SH2D4B: variants seen among roughly 807,000 people sequenced by gnomAD.
The protein encoded by SH2D4B is SH2 domain containing 4B, also known as SH2 domain-containing protein 4B.
A neutral mutation model predicts 61.5 loss-of-function variants in SH2D4B; 45 were observed. That is an observed-to-expected ratio of 0.73 (90% CI 0.58 to 0.94). The LOEUF (loss-of-function observed/expected upper bound fraction) is 0.94. Among genes scored for constraint, SH2D4B ranks in the 40% least tolerant of loss-of-function variants. The probability of loss-of-function intolerance (pLI) is 0.00; values close to 1 mark genes in which losing one functional copy is unlikely to be tolerated. For synonymous variants in SH2D4B, 224 were observed against 220.4 expected, an observed-to-expected ratio of 1.02 and a Z score of -0.14; for missense variants, 572 against 574.2, an observed-to-expected ratio of 1.00 and a Z score of 0.04.
At chr10:80,541,568 G>C (rs1841579572) in intron 1 of SH2D4B, among the ~76,000 whole-genome samples, 1 of 152,160 alleles carries the variant, frequency 6.6e-6, no homozygotes, top group Non-Finnish European at 1.5e-5. Context: ...ATCGTCCCCA[G>C]TGCTCTAAAG....
chr10:80,570,055 CATAGAGTGA>C, intron 1 of SH2D4B, 90 bp from the exon 2 acceptor site: 1 of 1,411,360 alleles, frequency 7.1e-7, no homozygotes, highest in Admixed American at 1.8e-5. Flanking sequence ...GACAATGTTC[CATAGAGTGA>C]TGTGATGGTT....
intron 1 of SH2D4B, among the ~76,000 whole-genome samples, chr10:80,562,894 C>CTTTTTTTTTTTT (rs34539206): frequency 4.0e-5 from 3 of 74,696 alleles, no homozygotes; most frequent in Non-Finnish European, 7.3e-5. Flanking sequence ...AACATTTTTT[C>CTTTTTTTTTTTT]TTTTTTTTTT....
intron 5 of SH2D4B, among the ~76,000 whole-genome samples, chr10:80,605,165 C>T (rs1564781492): frequency 1.3e-5 from 2 of 149,364 alleles, no homozygotes; most frequent in East Asian, 1.9e-4. Flanking sequence ...TATTCCTCCT[C>T]TTTTTTTTTT....
intron 1 of SH2D4B, among the ~76,000 whole-genome samples, chr10:80,566,160 GT>G (rs1841966368): frequency 2.0e-4 from 30 of 148,306 alleles, no homozygotes; most frequent in Admixed American, 1.8e-3. Flanking sequence ...GACTTATCCA[GT>G]TTGTTTGGAG....
chr10:80,607,763 A>T (rs895522802), intron 5 of SH2D4B, among the ~76,000 whole-genome samples: 1 of 152,232 alleles, frequency 6.6e-6, no homozygotes, highest in East Asian at 1.9e-4. Context: ...ATAACCATGA[A>T]TTCTAAATGC....
intron 1 of SH2D4B, among the ~76,000 whole-genome samples, chr10:80,550,143 G>A (rs1176063271): frequency 6.6e-6 from 1 of 152,100 alleles, no homozygotes; most frequent in Non-Finnish European, 1.5e-5. Flanking sequence ...AAGAAGTAAA[G>A]GCAGCTGCAT....
chr10:80,541,041 G>C, intron 1 of SH2D4B: 6 of 816,042 alleles, frequency 7.4e-6, no homozygotes, highest in Non-Finnish European at 1.2e-5. Context: ...AGTGAGAAGC[G>C]AAAGTACACA....
At chr10:80,579,258 GA>G (rs527507976) in intron 3 of SH2D4B, among the ~76,000 whole-genome samples, 3,893 of 150,924 alleles carry the variant, frequency 0.026, 60 homozygotes, top group Middle Eastern at 0.044. Flanking sequence ...TCTGAAAATG[GA>G]AAAAAAAATC....
intron 6 of SH2D4B, among the ~76,000 whole-genome samples, chr10:80,618,659 G>A (rs1014230109): frequency 1.3e-5 from 2 of 152,192 alleles, no homozygotes; most frequent in Non-Finnish European, 2.9e-5. Context: ...ATAGCTAAGT[G>A]GTAATGGAGG....
intron 1 of SH2D4B, among the ~76,000 whole-genome samples, chr10:80,556,897 C>T (rs1414267009): frequency 2.0e-5 from 3 of 152,048 alleles, no homozygotes; most frequent in Non-Finnish European, 4.4e-5. Flanking sequence ...ATTTAATTTT[C>T]TTGCCTTATT....
At chr10:80,615,141 G>A (rs1842646418) in intron 6 of SH2D4B, among the ~76,000 whole-genome samples, 1 of 152,212 alleles carries the variant, frequency 6.6e-6, no homozygotes, top group East Asian at 1.9e-4. Flanking sequence ...GCTGTATGGA[G>A]CAGGAAGGGG....
chr10:80,625,175 GT>G (rs201967650), intron 6 of SH2D4B, among the ~76,000 whole-genome samples: 127 of 150,048 alleles, frequency 8.5e-4, no homozygotes, highest in African/African-American at 2.9e-3. Context: ...CATTGAGAAC[GT>G]TTTTTTTTCT....
chr10:80,644,252 G>A lies in SH2D4B; in HGVS notation c.*167G>A. On this transcript the variant is annotated 3_prime_UTR_variant, in exon 8 of 8. Transcript: ENST00000646907. ...TGACATCTATGGCATAGGGCTACTG[G>A]TCTCATCCCAGCGATCGGGACAGAA... The A allele has an allele frequency of 1.7e-6, 1 of 593,544 alleles. No individual in the cohort carries two copies. Among genetic ancestry groups the A allele is most frequent in the Non-Finnish European group, 3.0e-6 (1 of 337,574 alleles). The allele number at this position is 593,544 out of a possible 1,614,324, so 36.8% of individuals were successfully genotyped here.
intron 3 of SH2D4B, among the ~76,000 whole-genome samples, chr10:80,581,405 G>A (rs1214646735): frequency 1.3e-5 from 2 of 152,164 alleles, no homozygotes; most frequent in Non-Finnish European, 2.9e-5. Context: ...GCTAAAATCC[G>A]TATTTTGAAG....
chr10:80,612,069 T>TA (rs77520862), intron 6 of SH2D4B, among the ~76,000 whole-genome samples: 10,358 of 152,186 alleles, frequency 0.068, 451 homozygotes, highest in East Asian at 0.14. Flanking sequence ...GTTTTAGTGT[T>TA]AAAATGTCCT....
intron 3 of SH2D4B, among the ~76,000 whole-genome samples, chr10:80,576,030 C>T (rs1288541593): frequency 6.6e-6 from 1 of 152,200 alleles, no homozygotes; most frequent in Non-Finnish European, 1.5e-5. Context: ...TTCTGGCCTT[C>T]CTCTTTCCCA....
intron 1 of SH2D4B, among the ~76,000 whole-genome samples, chr10:80,551,426 A>G (rs1841760457): frequency 1.3e-5 from 2 of 152,234 alleles, no homozygotes; most frequent in South Asian, 4.1e-4. Context: ...GGATTTAAAT[A>G]GAAAAATATT....
In SH2D4B at chr10:80,609,518, A is replaced by G; in HGVS notation, c.955A>G (p.Arg319Gly). Residue 319 changes from arginine (R) to glycine (G), a missense_variant, in exon 6 of 8, where the codon AGG (arginine) becomes GGG (glycine). Arg to Gly is a moderately radical substitution (Grantham distance 125). Transcript: ENST00000646907. ...GCTGCCTCGCCGAGCTGGCTTCGAG[A>G]GGAACACCAAGTTCATCGCCCCCTG... ...EQLPRRAGFERNTKFIAPWFH... is the reference protein window; with the variant it reads ...EQLPRRAGFEGNTKFIAPWFH... 2.5e-6 allele frequency: 4 copies of G among 1,614,180 alleles called. No individual in the cohort carries two copies. Among genetic ancestry groups the G allele is most frequent in the Non-Finnish European group, 2.5e-6 (3 of 1,180,036 alleles).
intron 1 of SH2D4B, among the ~76,000 whole-genome samples, chr10:80,569,517 T>C: frequency 7.8e-6 from 1 of 128,760 alleles, no homozygotes; most frequent in Non-Finnish European, 1.6e-5. Flanking sequence ...AATTTTGGGT[T>C]TCTTTTATGT....
Sources: gnomAD v4.1 joint callset for allele counts (sites outside exome capture counted in the v4.1 genomes callset) on GRCh38, gnomAD v4.1.1 for gene constraint, MANE v1.5 for transcripts, NCBI Gene and HGNC (gene_info 2026-07-23, HGNC 2026-07-21) for gene names.